The following WDR33 variants were observed in gnomAD, a reference collection of about 807,000 sequenced individuals.
WDR33 encodes WD repeat domain 33, also known as pre-mRNA 3' end processing protein WDR33.
WDR33 carries 47 observed loss-of-function variants against 164.9 expected under a neutral mutation model. The ratio of observed to expected loss-of-function variants is 0.29; its 90% CI spans 0.23 to 0.36. The LOEUF (loss-of-function observed/expected upper bound fraction) is 0.36. Among genes scored for constraint, WDR33 ranks in the 10% least tolerant of loss-of-function variants. WDR33 has a pLI of 1.00. For synonymous variants in WDR33, 505 were observed against 589.0 expected (o/e 0.86, Z 2.06); for missense variants, 1,137 against 1,754.1 (o/e 0.65, Z 6.28).
At position 127,736,963 on chromosome 2, in the gene WDR33, C is replaced by T. The variant is rs544954972; in HGVS notation, c.725-10186G>A. 7.3e-6 allele frequency: 7 copies of T among 956,824 alleles called. No individual in the cohort carries two copies. In the East Asian group the frequency reaches 4.7e-4, roughly 64 times the overall value. 59.3% of individuals were successfully genotyped at this position (956,824 alleles called of 1,614,324 possible). A position where few individuals can be genotyped will look rare whatever the true frequency, so the allele number is the denominator to read the frequency against. Reference sequence around the variant, plus strand: ...ATGGAGAAAAACAGTTAATTGATAACAATTTGAAAAGGTACAATATTATTC... The same window carrying T: ...ATGGAGAAAAACAGTTAATTGATAATAATTTGAAAAGGTACAATATTATTC... On this transcript the variant is annotated intron_variant, in intron 7 of 21. Coordinates refer to ENST00000322313, the MANE Select transcript of WDR33 (RefSeq NM_018383.5).
At chr2:127,773,000 C>CTGG (rs1688061297) in intron 1 of WDR33, among the ~76,000 whole-genome samples, 4 of 151,528 alleles carry the variant, frequency 2.6e-5, no homozygotes, top group Admixed American at 2.6e-4. Context: ...GCCCAGTGTG[C>CTGG]TGGTGCGCAC....
At chr2:127,797,880 G>A (rs1689093988) in intron 1 of WDR33, among the ~76,000 whole-genome samples, 1 of 151,978 alleles carries the variant, frequency 6.6e-6, no homozygotes, top group South Asian at 2.1e-4. Flanking sequence ...GGGCATGGTG[G>A]TACACAACTG....
In WDR33 at chr2:127,799,626, A is replaced by G. The variant is rs557245214; in HGVS notation, c.-24+11386T>C. On this transcript the variant is annotated intron_variant, in intron 1 of 21. Coordinates refer to ENST00000322313, the MANE Select transcript of WDR33 (RefSeq NM_018383.5). ...CCTGCGCAACATGGCGAAACCCCAT[A>G]TCTACTAAAAATACAAAAATTAGCC... 2.5e-4 allele frequency among the ~76,000 whole-genome samples: 38 copies of G among 151,782 alleles called. No homozygotes were observed. In the East Asian group the frequency reaches 7.1e-3, roughly 29 times the overall value.
chr2:127,701,772 G>A lies in WDR33; in HGVS notation c.*4551C>T, dbSNP rs1558914104. 11 of 1,428,334 alleles carry A rather than the reference G, an allele frequency of 7.7e-6. No homozygotes were observed. The highest frequency in any genetic ancestry group is 1.0e-5 in the Non-Finnish European group (11 of 1,090,968). The allele number at this position is 1,428,334 out of a possible 1,614,324, so 88.5% of individuals were successfully genotyped here. ...CGGGCAGCGGCTGGCGGCGGGCGGC[G>A]GGTGCCTGCTGCTGGCTGCACTGTG... On this transcript the variant is annotated 3_prime_UTR_variant, in exon 22 of 22. Coordinates refer to ENST00000322313, the MANE Select transcript of WDR33 (RefSeq NM_018383.5).
At chr2:127,768,849 T>C (rs1687903955) in intron 3 of WDR33, 84 bp downstream of exon 3, 1 of 939,272 alleles carries the variant, frequency 1.1e-6, no homozygotes, top group Non-Finnish European at 1.7e-6. Flanking sequence ...AAAGACCATT[T>C]TGGACTTGAA....
At chr2:127,785,987 G>A (rs1245716450) in intron 1 of WDR33, among the ~76,000 whole-genome samples, 1 of 152,174 alleles carries the variant, frequency 6.6e-6, no homozygotes, top group Non-Finnish European at 1.5e-5. Flanking sequence ...TGGTGTGGCA[G>A]CTGTTTTGAA....
chr2:127,804,636 G>A (rs1689369427), intron 1 of WDR33, among the ~76,000 whole-genome samples: 1 of 152,046 alleles, frequency 6.6e-6, no homozygotes, highest in African/African-American at 2.4e-5. Context: ...GTACATAGGA[G>A]TTCTTTGAAC....
In WDR33 at chr2:127,764,235, G is replaced by T; in HGVS notation, c.626+593C>A. On this transcript the variant is annotated intron_variant, in intron 6 of 21. Transcript: ENST00000322313. The surrounding 1 kb of genome is among the most constrained non-coding windows in gnomAD (Gnocchi z 6.2). ...TGATGTTATCAACAGTGAATCAGAA[G>T]AAAAGTCCTAGAGTCTTCTTGACAA... 8.8e-7 allele frequency: 1 copy of T among 1,133,704 alleles called. No homozygotes were observed. Among genetic ancestry groups the T allele is most frequent in the Non-Finnish European group, 1.1e-6 (1 of 925,440 alleles). The allele number at this position is 1,133,704 out of a possible 1,614,324, so 70.2% of individuals were successfully genotyped here. A position where few individuals can be genotyped will look rare whatever the true frequency, so the allele number is the denominator to read the frequency against.
In WDR33 at chr2:127,735,477, T is replaced by TA. The variant is rs574223974; in HGVS notation, c.725-8701dup. 18 of 984,498 alleles carry TA rather than the reference T, an allele frequency of 1.8e-5. No homozygotes were observed. In the South Asian group the frequency reaches 1.9e-4, roughly 10 times the overall value. The allele number at this position is 984,498 out of a possible 1,614,324, so 61.0% of individuals were successfully genotyped here. A position where few individuals can be genotyped will look rare whatever the true frequency, so the allele number is the denominator to read the frequency against. On this transcript the variant is annotated intron_variant, in intron 7 of 21. Coordinates refer to ENST00000322313, the MANE Select transcript of WDR33 (RefSeq NM_018383.5). The surrounding 1 kb of genome is among the most constrained non-coding windows in gnomAD (Gnocchi z 4.3). ...ATCAGACCATTTTATGAACAAATCT[T>TA]AAAAAAAATTCTTTTATACAAAACT...
chr2:127,712,008 G>C lies in WDR33; in HGVS notation c.3308+1575C>G, dbSNP rs1371914973. On this transcript the variant is annotated intron_variant, in intron 18 of 21. Transcript: ENST00000322313. The surrounding 1 kb of genome is among the most constrained non-coding windows in gnomAD (Gnocchi z 4.0). ...AGGCTGGTCTCGAACTCCTGACCTC[G>C]TGATACACCCACCTCGGCCTCCCAA... 1.3e-5 allele frequency among the ~76,000 whole-genome samples: 2 copies of C among 150,582 alleles called. No homozygotes were observed. Among genetic ancestry groups the C allele is most frequent in the Non-Finnish European group, 3.0e-5 (2 of 67,606 alleles).
At chr2:127,750,687 T>A (rs1329522473) in intron 7 of WDR33, among the ~76,000 whole-genome samples, 14 of 47,564 alleles carry the variant, frequency 2.9e-4, no homozygotes, top group African/African-American at 8.7e-4. Flanking sequence ...AATATATATA[T>A]ATATATATAT....
Position 127,706,610 on chromosome 2 carries a change from C to G in WDR33, c.3782-58G>C, listed in dbSNP as rs1191668507. 1.0e-5 allele frequency: 15 copies of G among 1,478,554 alleles called. No homozygotes were observed. The highest frequency in any genetic ancestry group is 3.5e-4 in the Middle Eastern group (2 of 5,646). The allele number at this position is 1,478,554 out of a possible 1,614,324, so 91.6% of individuals were successfully genotyped here. ...TGTATTAGCAACTGTTTGTCAGTAACTCCCAGTACAAACTTTACTCTCTGA... is the reference window on the plus strand; with the variant it reads ...TGTATTAGCAACTGTTTGTCAGTAAGTCCCAGTACAAACTTTACTCTCTGA... On this transcript the variant is annotated intron_variant, in intron 21 of 21. Coordinates refer to ENST00000322313, the MANE Select transcript of WDR33 (RefSeq NM_018383.5). The surrounding 1 kb of genome is among the most constrained non-coding windows in gnomAD (Gnocchi z 5.1).
intron 7 of WDR33, among the ~76,000 whole-genome samples, chr2:127,731,318 A>C (rs1041819012): frequency 3.6e-5 from 5 of 140,780 alleles, no homozygotes; most frequent in African/African-American, 1.2e-4. Flanking sequence ...AAAAAAAAAA[A>C]CACAGAAAAG....
chr2:127,752,774 T>C (rs77630881), intron 7 of WDR33, among the ~76,000 whole-genome samples: 2,698 of 152,284 alleles, frequency 0.018, 83 homozygotes, highest in African/African-American at 0.06. Flanking sequence ...ATGTTGGACA[T>C]GGTGCTAAAG....
At position 127,763,208 on chromosome 2, in the gene WDR33, A is replaced by C; in HGVS notation, c.627-49T>G. 1 of 1,613,268 alleles carries C rather than the reference A, an allele frequency of 6.2e-7. No homozygotes were observed. The highest frequency in any genetic ancestry group is 1.7e-4 in the Middle Eastern group (1 of 6,056). ...GGGGAAAGAAGTCAGCATTTAACAG[A>C]TAATCTGTGCTTCTCAGACAGGGAA... is the stretch of plus-strand genomic sequence containing the variant. On this transcript the variant is annotated intron_variant, in intron 6 of 21. Transcript: ENST00000322313. This position sits in a 1 kb window ranked among gnomAD's most constrained non-coding sequence, Gnocchi z 4.5.
intron 1 of WDR33, among the ~76,000 whole-genome samples, chr2:127,804,173 T>C (rs1460008701): frequency 6.6e-6 from 1 of 151,686 alleles, no homozygotes; most frequent in Non-Finnish European, 1.5e-5. Flanking sequence ...TACAAAAAAT[T>C]AGCCAGGCAT....
chr2:127,806,356 C>T (rs1238150661), intron 1 of WDR33, among the ~76,000 whole-genome samples: 1 of 151,634 alleles, frequency 6.6e-6, no homozygotes, highest in South Asian at 2.1e-4. Context: ...TACAGGCATG[C>T]GCAACCACAC....
intron 1 of WDR33, among the ~76,000 whole-genome samples, chr2:127,808,200 A>G (rs1689506358): frequency 6.6e-6 from 1 of 152,246 alleles, no homozygotes; most frequent in African/African-American, 2.4e-5. Flanking sequence ...GTTAACATTT[A>G]AAGAATGCCT....
At chr2:127,743,090 A>G (rs550417921) in intron 7 of WDR33, among the ~76,000 whole-genome samples, 33 of 152,324 alleles carry the variant, frequency 2.2e-4, no homozygotes, top group Admixed American at 3.3e-4. Context: ...TCCAGACTCA[A>G]TAATTTTGAT....
Sources: allele counts gnomAD v4.1 joint callset (sites outside exome capture counted in the v4.1 genomes callset), GRCh38; gene constraint gnomAD v4.1.1; non-coding constraint Gnocchi (gnomAD v3.1); transcripts MANE v1.5; gene names NCBI Gene and HGNC (gene_info 2026-07-23, HGNC 2026-07-21).